DNHD1: variants seen among roughly 807,000 people sequenced by gnomAD.
The protein encoded by DNHD1 is dynein heavy chain domain 1.
In DNHD1, 383 loss-of-function variants were observed where a neutral mutation model predicts 458.1. The ratio of observed to expected loss-of-function variants is 0.84; its 90% CI spans 0.77 to 0.91. The LOEUF (loss-of-function observed/expected upper bound fraction) is 0.91. Ranked by LOEUF, DNHD1 falls within the 40% of genes least tolerant of loss-of-function variation. The pLI is 0.00. For synonymous variants in DNHD1, 2,203 were observed against 2,376.9 expected (o/e 0.93, Z 2.13); for missense variants, 5,336 against 5,866.1 (o/e 0.91, Z 2.95).
At position 6,571,107 on chromosome 11, in the gene DNHD1, G is replaced by A. The variant is rs1564826360; in HGVS notation, c.13595G>A (p.Arg4532His). The change falls in exon 42 of 43, where the codon CGC becomes CAC. Residue 4532 changes from arginine (R) to histidine (H), a missense_variant. Physicochemically the swap from Arg to His is conservative, Grantham distance 29. Around this residue, in one of 4 missense-constraint regions of DNHD1, gnomAD observed 698 missense variants for 664.9 expected, o/e 1.05. Coordinates refer to ENST00000254579, the MANE Select transcript of DNHD1 (RefSeq NM_144666.3). This position sits in a 1 kb window ranked among gnomAD's most constrained non-coding sequence, Gnocchi z 5.0. Reference sequence around the variant, plus strand: ...GTGGCCCACGCTCTCTGGACTGGCCGCCTACCCTTGCCTTGGCGACCTCAT... The same window carrying A: ...GTGGCCCACGCTCTCTGGACTGGCCACCTACCCTTGCCTTGGCGACCTCAT... ...AAVAHALWTG[R>H]LPLPWRPHAP... The A allele has an allele frequency of 5.0e-6, 8 of 1,597,976 alleles. No homozygotes were observed. The highest frequency in any genetic ancestry group is 6.8e-6 in the Non-Finnish European group (8 of 1,173,772).
intron 28 of DNHD1, among the ~76,000 whole-genome samples, chr11:6,560,038 G>T (rs1171343229): frequency 1.3e-5 from 2 of 152,152 alleles, no homozygotes; most frequent in Non-Finnish European, 2.9e-5. Context: ...TGATGATAGG[G>T]CTTATCACAC....
chr11:6,570,913 C>A lies in DNHD1; in HGVS notation c.13401C>A (p.Asp4467Glu). The A allele has an allele frequency of 6.2e-7, 1 of 1,613,372 alleles. No homozygotes were observed. Among genetic ancestry groups the A allele is most frequent in the Non-Finnish European group, 8.5e-7 (1 of 1,179,348 alleles). ...LTHVIRQDES[D>E]APWSVLGPNA... is the part of the protein sequence containing the mutation. ...ACGTGATTCGCCAAGACGAGTCCGA[C>A]GCCCCGTGGTCAGTGCTGGGGCCAA... The change falls in exon 42 of 43, where the codon GAC becomes GAA. Residue 4467 changes from aspartate (D) to glutamate (E), a missense_variant. Coordinates refer to ENST00000254579, the MANE Select transcript of DNHD1 (RefSeq NM_144666.3).
At chr11:6,521,207 T>C (rs958984714) in intron 10 of DNHD1, among the ~76,000 whole-genome samples, 3 of 152,208 alleles carry the variant, frequency 2.0e-5, no homozygotes, top group African/African-American at 7.2e-5. Context: ...AAAGAGATAA[T>C]ATGTCTAGTA....
At chr11:6,511,120 C>T (rs1019960865) in intron 6 of DNHD1, among the ~76,000 whole-genome samples, 153 bp from the exon 7 acceptor site, 1 of 152,138 alleles carries the variant, frequency 6.6e-6, no homozygotes, top group African/African-American at 2.4e-5. Flanking sequence ...AGAGAACTCT[C>T]GAGAGGGAGC....
intron 4 of DNHD1, chr11:6,508,377 C>CA (rs1852268473): frequency 6.5e-6 from 1 of 152,934 alleles, no homozygotes; most frequent in South Asian, 2.0e-4. Context: ...TGCTTTTCTC[C>CA]AATCTCAGTT....
Position 6,558,135 on chromosome 11 carries a change from G to A in DNHD1, c.8840G>A (p.Ser2947Asn), listed in dbSNP as rs927131624. ...LSQPVALLVPSGVDLTTLHRL... is the reference protein window; with the variant it reads ...LSQPVALLVPNGVDLTTLHRL... The stretch of plus-strand genomic sequence containing the variant: ...CAGCCAGTGGCTCTGTTGGTACCCA[G>A]TGGTGTGGATCTCACTACACTTCAT... Residue 2947 changes from serine (S) to asparagine (N), a missense_variant, in exon 25 of 43, where the codon AGT becomes AAT. Physicochemically the swap from Ser to Asn is conservative, Grantham distance 46 (BLOSUM62 1). Coordinates refer to ENST00000254579, the MANE Select transcript of DNHD1 (RefSeq NM_144666.3). 6.4e-7 allele frequency: 1 copy of A among 1,551,618 alleles called. No individual in the cohort carries two copies. The highest frequency in any genetic ancestry group is 8.7e-7 in the Non-Finnish European group (1 of 1,147,008).
intron 24 of DNHD1, among the ~76,000 whole-genome samples, chr11:6,555,647 A>T (rs1427388337): frequency 2.0e-5 from 3 of 152,234 alleles, no homozygotes; most frequent in Non-Finnish European, 4.4e-5. Flanking sequence ...ACGCAAAAAC[A>T]TGGATGAGTC....
At position 6,564,700 on chromosome 11, in the gene DNHD1, G is replaced by A. The variant is rs748478865; in HGVS notation, c.10652G>A (p.Arg3551His). 8.4e-6 allele frequency: 13 copies of A among 1,551,080 alleles called. No individual in the cohort carries two copies. Among genetic ancestry groups the A allele is most frequent in the East Asian group, 2.4e-5 (1 of 40,898 alleles). The change falls in exon 32 of 43, where the codon CGT becomes CAT. Residue 3551 changes from arginine to histidine, a missense_variant. By Grantham distance (29) the Arg-to-His change is conservative. Transcript: ENST00000254579. ...LRSPTHYSSCRWPLLLDPSNE... is the reference protein window; with the variant it reads ...LRSPTHYSSCHWPLLLDPSNE... ...AGCCCCACACACTACAGTAGTTGCC[G>A]TTGGCCTCTGCTGCTTGACCCCAGC...
Position 6,547,381 on chromosome 11 carries a change from G to C in DNHD1, c.6442G>C (p.Gly2148Arg). 6.4e-7 allele frequency: 1 copy of C among 1,551,732 alleles called. No individual in the cohort carries two copies. The highest frequency in any genetic ancestry group is 8.7e-7 in the Non-Finnish European group (1 of 1,147,002). ...AGGCTGTTGTGCCCTAGTCTGGTGTGGTGGAGAGCAGACTTGGCAGTGTAT... is the reference window on the plus strand; with the variant it reads ...AGGCTGTTGTGCCCTAGTCTGGTGTCGTGGAGAGCAGACTTGGCAGTGTAT... ...VVGCCALVWCGGEQTWQCILS... is the reference protein window; with the variant it reads ...VVGCCALVWCRGEQTWQCILS... Residue 2148 changes from glycine to arginine, a missense_variant, in exon 21 of 43, where the codon GGT (glycine) becomes CGT (arginine). Transcript: ENST00000254579.
At chr11:6,527,652 T>A (rs1452509022) in intron 10 of DNHD1, among the ~76,000 whole-genome samples, 3 of 152,150 alleles carry the variant, frequency 2.0e-5, no homozygotes, top group Non-Finnish European at 1.5e-5. Context: ...TACAGATAAA[T>A]CTGGGAGCAA....
At chr11:6,516,253 T>A (rs1057437262) in intron 7 of DNHD1, among the ~76,000 whole-genome samples, 1 of 152,014 alleles carries the variant, frequency 6.6e-6, no homozygotes, top group African/African-American at 2.4e-5. Flanking sequence ...TTAAAATACA[T>A]GTTTTCACTC....
In DNHD1 at chr11:6,545,636, G is replaced by T. The variant is rs552920876; in HGVS notation, c.4697G>T (p.Arg1566Leu). The change falls in exon 21 of 43, where the codon CGC becomes CTC. Residue 1566 changes from arginine to leucine, a missense_variant. Physicochemically the swap from Arg to Leu is moderately radical, Grantham distance 102. Transcript: ENST00000254579. The surrounding 1 kb of genome is among the most constrained non-coding windows in gnomAD (Gnocchi z 4.9). ...SQGGQSLPSV[R>L]QTSLLSALLV... ...GGTGGGCAGTCCCTGCCTTCTGTCCGCCAGACCAGCCTTCTCAGTGCCCTG... is the reference window on the plus strand; with the variant it reads ...GGTGGGCAGTCCCTGCCTTCTGTCCTCCAGACCAGCCTTCTCAGTGCCCTG... The T allele has an allele frequency of 6.4e-7, 1 of 1,551,776 alleles. No homozygotes were observed. Among genetic ancestry groups the T allele is most frequent in the Non-Finnish European group, 8.7e-7 (1 of 1,147,024 alleles).
At chr11:6,561,381 T>C (rs1199365131) in intron 28 of DNHD1, among the ~76,000 whole-genome samples, 2 of 152,138 alleles carry the variant, frequency 1.3e-5, no homozygotes, top group African/African-American at 4.8e-5. Context: ...TGAGAAATGA[T>C]TGCACCACTG....
In DNHD1 at chr11:6,563,790, G is replaced by A. The variant is rs748812087; in HGVS notation, c.9950G>A (p.Arg3317Gln). 1.2e-5 allele frequency: 19 copies of A among 1,551,520 alleles called. No homozygotes were observed. Among genetic ancestry groups the A allele is most frequent in the South Asian group, 3.6e-5 (3 of 84,064 alleles). ...KAPGMDDAALRAVSRPAASLA... is the reference protein window; with the variant it reads ...KAPGMDDAALQAVSRPAASLA... ...CCAGGTATGGACGATGCAGCCCTGC[G>A]GGCAGTGAGCCGACCTGCAGCCAGC... is the stretch of plus-strand genomic sequence containing the variant. The change falls in exon 31 of 43, where the codon CGG becomes CAG. Residue 3317 changes from arginine to glutamine, a missense_variant. Coordinates refer to ENST00000254579, the MANE Select transcript of DNHD1 (RefSeq NM_144666.3).
At chr11:6,535,791 A>G (rs140752171) in intron 14 of DNHD1, among the ~76,000 whole-genome samples, 1 of 152,336 alleles carries the variant, frequency 6.6e-6, no homozygotes, top group African/African-American at 2.4e-5. Context: ...TGCAACCATC[A>G]TGGTAATTAC....
In DNHD1 at chr11:6,570,942, C is replaced by T; in HGVS notation, c.13430C>T (p.Ala4477Val). ...CCGTGGTCAGTGCTGGGGCCAAATGCACGGCGGCCTCTGGAGGGCGTCTTA... is the reference window on the plus strand; with the variant it reads ...CCGTGGTCAGTGCTGGGGCCAAATGTACGGCGGCCTCTGGAGGGCGTCTTA... ...DAPWSVLGPN[A>V]RRPLEGVLET... The change falls in exon 42 of 43, where the codon GCA (alanine) becomes GTA (valine). Residue 4477 changes from alanine (A) to valine (V), a missense_variant. Physicochemically the swap from Ala to Val is moderately conservative, Grantham distance 64. Coordinates refer to ENST00000254579, the MANE Select transcript of DNHD1 (RefSeq NM_144666.3). The T allele has an allele frequency of 1.9e-6, 3 of 1,608,724 alleles. No individual in the cohort carries two copies. Among genetic ancestry groups the T allele is most frequent in the Non-Finnish European group, 1.7e-6 (2 of 1,175,576 alleles).
At chr11:6,528,809 A>G in intron 11 of DNHD1, 22 bp downstream of exon 11, 2 of 1,550,680 alleles carry the variant, frequency 1.3e-6, no homozygotes, top group Non-Finnish European at 8.7e-7. Flanking sequence ...GGTTTAAGGG[A>G]TAGGGCGCTG....
At position 6,528,613 on chromosome 11, in the gene DNHD1, G is replaced by C. The variant is rs369027201; in HGVS notation, c.1929G>C (p.Pro643=). The stretch of plus-strand genomic sequence containing the variant: ...ATGCTGTGAGCATCTTCTGTGGCCC[G>C]AATGTGGGATTGGTGTGGCCCTGGA... The part of the protein sequence containing the change: ...PSDAVSIFCG[P]NVGLVWPWKS... The change falls in exon 11 of 43, where the codon CCG becomes CCC. Residue 643 remains proline (P), a synonymous_variant. Coordinates refer to ENST00000254579, the MANE Select transcript of DNHD1 (RefSeq NM_144666.3). 11 of 1,551,602 alleles carry C rather than the reference G, an allele frequency of 7.1e-6. No individual in the cohort carries two copies. The African/African-American group carries it at 1.4e-4, about 19-fold the overall frequency.
chr11:6,522,667 T>C (rs991573665), intron 10 of DNHD1, among the ~76,000 whole-genome samples: 1 of 152,124 alleles, frequency 6.6e-6, no homozygotes, highest in Non-Finnish European at 1.5e-5. Context: ...TAAGTAGCAG[T>C]TAAAACACTA....
Sources: allele counts gnomAD v4.1 joint callset (sites outside exome capture counted in the v4.1 genomes callset), GRCh38; gene constraint gnomAD v4.1.1; regional missense constraint gnomAD v4.1.1; non-coding constraint Gnocchi (gnomAD v3.1); transcripts MANE v1.5; gene names NCBI Gene and HGNC (gene_info 2026-07-23, HGNC 2026-07-21).